Variants in TRPM3 observed in about 807,000 individuals in gnomAD.
TRPM3 encodes the protein long transient receptor potential channel 3.
A neutral mutation model predicts 181.2 loss-of-function variants in TRPM3; 77 were observed. The ratio of observed to expected loss-of-function variants is 0.42; its 90% CI spans 0.35 to 0.51. TRPM3 has a LOEUF of 0.51. Ranked by LOEUF, TRPM3 falls within the 20% of genes least tolerant of loss-of-function variation. The pLI is 0.01. For synonymous variants in TRPM3, 745 were observed against 796.4 expected (o/e 0.94, Z 1.09); for missense variants, 1,759 against 2,196.7 (o/e 0.80, Z 3.98).
intron 1 of TRPM3, among the ~76,000 whole-genome samples, chr9:71,021,691 T>G (rs1360776221): frequency 6.6e-6 from 1 of 152,078 alleles, no homozygotes; most frequent in African/African-American, 2.4e-5. Flanking sequence ...GAGGTCAGAT[T>G]TGGGGAAGCA....
chr9:71,038,312 A>T (rs1240854118), intron 1 of TRPM3, among the ~76,000 whole-genome samples: 2 of 152,226 alleles, frequency 1.3e-5, no homozygotes, highest in African/African-American at 4.8e-5. Flanking sequence ...TAGTAACGAA[A>T]TAGAAGTCCA....
At chr9:71,192,794 T>G (rs1027720) in intron 1 of TRPM3, among the ~76,000 whole-genome samples, 53,098 of 151,636 alleles carry the variant, frequency 0.35, 9,557 homozygotes, top group East Asian at 0.47. Flanking sequence ...CTTCTGTTGC[T>G]CATGCTTTTG....
chr9:70,568,623 T>C (rs2051299453), intron 22 of TRPM3, among the ~76,000 whole-genome samples: 1 of 152,246 alleles, frequency 6.6e-6, no homozygotes, highest in South Asian at 2.1e-4. Flanking sequence ...ATGGCCATTT[T>C]ACAGATGAGT....
intron 1 of TRPM3, among the ~76,000 whole-genome samples, chr9:71,117,840 C>T (rs1161811773): frequency 6.6e-6 from 1 of 152,154 alleles, no homozygotes; most frequent in Non-Finnish European, 1.5e-5. Context: ...AATACAGTGT[C>T]CCCTTCTCCC....
At chr9:71,304,540 T>A (rs73475365) in intron 1 of TRPM3, among the ~76,000 whole-genome samples, 1 of 152,208 alleles carries the variant, frequency 6.6e-6, no homozygotes, top group African/African-American at 2.4e-5. Flanking sequence ...GTAAGGGTAA[T>A]CCTTTACTTA....
intron 1 of TRPM3, among the ~76,000 whole-genome samples, chr9:70,921,752 G>T (rs2133285511): frequency 6.6e-6 from 1 of 152,214 alleles, no homozygotes; most frequent in South Asian, 2.1e-4. Context: ...GATGAAGCAA[G>T]CCACCATGTC....
intron 1 of TRPM3, among the ~76,000 whole-genome samples, chr9:71,221,007 C>G (rs1346678524): frequency 6.6e-6 from 1 of 152,134 alleles, no homozygotes; most frequent in Non-Finnish European, 1.5e-5. Context: ...ACGGGCCAAT[C>G]AAGAGCATTA....
At chr9:71,043,994 C>G (rs890152955) in intron 1 of TRPM3, among the ~76,000 whole-genome samples, 2 of 152,160 alleles carry the variant, frequency 1.3e-5, no homozygotes, top group Non-Finnish European at 2.9e-5. Flanking sequence ...ACTACCCCAA[C>G]TGATTCTCTT....
chr9:70,978,029 A>G (rs2097324153), intron 1 of TRPM3, among the ~76,000 whole-genome samples: 1 of 152,160 alleles, frequency 6.6e-6, no homozygotes, highest in Non-Finnish European at 1.5e-5. Context: ...AGTGGGGCTG[A>G]AAGTCCCAAC....
At position 70,537,178 on chromosome 9, in the gene TRPM3, C is replaced by T; in HGVS notation, c.3935G>A (p.Ser1312Asn). The T allele has an allele frequency of 1.3e-6, 2 of 1,590,148 alleles. No individual in the cohort carries two copies. Among genetic ancestry groups the T allele is most frequent in the Non-Finnish European group, 1.7e-6 (2 of 1,163,232 alleles). ...GGTGTTCCCTTCCTGGCTGTTGAAG[C>T]TGCTCTGACGGACAATGTAGGCGGC... Reference protein sequence around the residue: ...TDAAYIVRQSSFNSQEGNTFK... With the variant: ...TDAAYIVRQSNFNSQEGNTFK... The change falls in exon 26 of 26, where the codon AGC becomes AAC. Residue 1312 changes from serine to asparagine, a missense_variant. By Grantham distance (46) the Ser-to-Asn change is conservative. Coordinates refer to ENST00000677713, the MANE Select transcript of TRPM3 (RefSeq NM_001366145.2).
intron 6 of TRPM3, among the ~76,000 whole-genome samples, chr9:70,817,658 C>A (rs1413742557): frequency 6.6e-6 from 1 of 152,216 alleles, no homozygotes; most frequent in Non-Finnish European, 1.5e-5. Context: ...CATGAATACA[C>A]AAGTTACTCC....
At chr9:71,055,543 C>A (rs2060566781) in intron 1 of TRPM3, among the ~76,000 whole-genome samples, 1 of 152,014 alleles carries the variant, frequency 6.6e-6, no homozygotes, top group African/African-American at 2.4e-5. Context: ...CAACACACAT[C>A]ATGTCTTATA....
intron 9 of TRPM3, among the ~76,000 whole-genome samples, chr9:70,657,411 T>C (rs2060514862): frequency 6.6e-6 from 1 of 152,052 alleles, no homozygotes; most frequent in Non-Finnish European, 1.5e-5. Context: ...TTGTTTTTCC[T>C]TGGGTTCTGT....
rs527720191 is a variant in TRPM3 at position 70,870,994 on chromosome 9, A to G, written c.178-6483T>C. 9.9e-5 allele frequency among the ~76,000 whole-genome samples: 15 copies of G among 152,078 alleles called. No homozygotes were observed. In the South Asian group the frequency reaches 2.7e-3, roughly 27 times the overall value. ...AACCATATGATAATAGGAGGTTATT[A>G]CGGATGAGTATCTCAGGAAGAGACA... On this transcript the variant is annotated intron_variant, in intron 1 of 25. Coordinates refer to ENST00000677713, the MANE Select transcript of TRPM3 (RefSeq NM_001366145.2).
intron 1 of TRPM3, among the ~76,000 whole-genome samples, chr9:71,318,405 T>C (rs1466725681): frequency 1.3e-5 from 2 of 152,200 alleles, no homozygotes; most frequent in Non-Finnish European, 2.9e-5. Flanking sequence ...GAACTTTTAT[T>C]GCACATAATT....
intron 8 of TRPM3, among the ~76,000 whole-genome samples, chr9:70,759,244 A>G (rs1307750345): frequency 6.6e-6 from 1 of 152,236 alleles, no homozygotes; most frequent in Non-Finnish European, 1.5e-5. Flanking sequence ...GCTCATCATC[A>G]CTGGTCATTA....
chr9:71,025,932 C>T (rs2097892615), intron 1 of TRPM3, among the ~76,000 whole-genome samples: 1 of 151,220 alleles, frequency 6.6e-6, no homozygotes, highest in South Asian at 2.1e-4. Flanking sequence ...AAACTCACTG[C>T]TGGTCCCCAG....
intron 1 of TRPM3, among the ~76,000 whole-genome samples, chr9:71,218,153 C>A (rs992702806): frequency 2.0e-5 from 3 of 152,176 alleles, no homozygotes; most frequent in Non-Finnish European, 4.4e-5. Flanking sequence ...GGGTCTTGCT[C>A]TAACTTTCCC....
chr9:71,114,925 T>G (rs2071980255), intron 1 of TRPM3, among the ~76,000 whole-genome samples: 1 of 152,024 alleles, frequency 6.6e-6, no homozygotes, highest in African/African-American at 2.4e-5. Context: ...GACTAAAAAT[T>G]TTCATGAAAA....
Sources: gnomAD v4.1 joint callset for allele counts (sites outside exome capture counted in the v4.1 genomes callset) on GRCh38, gnomAD v4.1.1 for gene constraint, MANE v1.5 for transcripts, NCBI Gene and HGNC (gene_info 2026-07-23, HGNC 2026-07-21) for gene names.